The following PAN3 variants were observed in gnomAD, a reference collection of about 807,000 sequenced individuals.
PAN3 encodes PAN2-PAN3 deadenylation complex subunit PAN3.
In PAN3, 19 loss-of-function variants were observed where a neutral mutation model predicts 96.2. The observed-to-expected ratio is 0.20, with a 90% CI of 0.14 to 0.29. PAN3 has a LOEUF of 0.29. Ranked by LOEUF, PAN3 falls within the 10% of genes least tolerant of loss-of-function variation. The pLI is 1.00. For missense variants in PAN3, 882 were observed against 1,108.1 expected (o/e 0.80, Z 2.90); for synonymous variants, 433 against 406.6 (o/e 1.06, Z -0.78).
At chr13:28,270,974 G>A in intron 13 of PAN3, 108 bp downstream of exon 13, 6 of 1,086,222 alleles carry the variant, frequency 5.5e-6, no homozygotes, top group Non-Finnish European at 7.7e-6. Context: ...ATTCCATCCA[G>A]AAGAACTTCT....
intron 6 of PAN3, among the ~76,000 whole-genome samples, chr13:28,252,529 TA>T (rs1884821297): frequency 6.6e-6 from 1 of 152,176 alleles, no homozygotes. Flanking sequence ...TTGAAGTTTT[TA>T]AAATCTCATT....
At position 28,171,713 on chromosome 13, in the gene PAN3, G is replaced by A. The variant is rs1450057683; in HGVS notation, c.431-2559G>A. On this transcript the variant is annotated intron_variant, in intron 1 of 18. Transcript: ENST00000380958. ...CTCCTGGCTCATAAATGTGTTCACC[G>A]GCCCACAAACTCCTTGAACCCCACA... Among the ~76,000 whole-genome samples the A allele has an allele frequency of 2.0e-5, 3 of 152,112 alleles. No homozygotes were observed. The East Asian group carries it at 5.8e-4, about 29-fold the overall frequency.
At chr13:28,247,441 T>G (rs372646818) in intron 6 of PAN3, among the ~76,000 whole-genome samples, 16 of 152,300 alleles carry the variant, frequency 1.1e-4, no homozygotes, top group African/African-American at 3.8e-4. Flanking sequence ...TAGTCTAATA[T>G]AGTCCCATTT....
At chr13:28,245,217 G>A (rs557810778) in intron 6 of PAN3, among the ~76,000 whole-genome samples, 49 of 152,200 alleles carry the variant, frequency 3.2e-4, no homozygotes, top group African/African-American at 1.1e-3. Context: ...GATTATTTTA[G>A]GGTAGAATTG....
intron 9 of PAN3, among the ~76,000 whole-genome samples, chr13:28,266,470 A>AT (rs1886186573): frequency 1.3e-5 from 2 of 152,240 alleles, no homozygotes; most frequent in South Asian, 4.1e-4. Flanking sequence ...GTGCTATAAA[A>AT]GGAAATGTTT....
intron 16 of PAN3, 122 bp from the exon 17 acceptor site, chr13:28,281,193 G>C: frequency 2.9e-6 from 2 of 700,606 alleles, no homozygotes. Context: ...CAAAAGGTGG[G>C]GATGTTAGGA....
intron 1 of PAN3, among the ~76,000 whole-genome samples, chr13:28,152,609 A>G (rs1439204809): frequency 1.3e-5 from 2 of 152,060 alleles, no homozygotes; most frequent in Non-Finnish European, 2.9e-5. Context: ...ACAAAAAAAA[A>G]TGTGTATCTT....
intron 1 of PAN3, among the ~76,000 whole-genome samples, chr13:28,158,147 T>G (rs1261200586): frequency 6.6e-6 from 1 of 152,140 alleles, no homozygotes; most frequent in Non-Finnish European, 1.5e-5. Context: ...CTAGCCATAT[T>G]CAAAAGATTG....
At chr13:28,213,263 A>G (rs1593485053) in intron 5 of PAN3, among the ~76,000 whole-genome samples, 1 of 152,226 alleles carries the variant, frequency 6.6e-6, no homozygotes, top group African/African-American at 2.4e-5. Context: ...GTATGCACCT[A>G]TATGCATAGA....
intron 1 of PAN3, among the ~76,000 whole-genome samples, chr13:28,157,572 A>G (rs139922209): frequency 1.2e-3 from 184 of 152,338 alleles, no homozygotes; most frequent in African/African-American, 4.1e-3. Flanking sequence ...ACAGCATCCA[A>G]GCTGAGTGCC....
At chr13:28,214,597 C>G (rs1593488472) in intron 5 of PAN3, 1 of 415,290 alleles carries the variant, frequency 2.4e-6, no homozygotes, top group Non-Finnish European at 4.6e-6. Flanking sequence ...GCCATCTGAT[C>G]TACAAATGTG....
At chr13:28,181,666 T>A (rs1875807700) in intron 4 of PAN3, among the ~76,000 whole-genome samples, 1 of 152,232 alleles carries the variant, frequency 6.6e-6, no homozygotes, top group Non-Finnish European at 1.5e-5. Flanking sequence ...TCATAATGTG[T>A]CATGGGACCA....
intron 1 of PAN3, among the ~76,000 whole-genome samples, chr13:28,160,390 G>A (rs375150013): frequency 1.3e-5 from 2 of 152,174 alleles, no homozygotes; most frequent in East Asian, 1.9e-4. Context: ...ATTAGAGGGG[G>A]CACATTTTAG....
chr13:28,183,288 G>A (rs1421657356), intron 4 of PAN3, among the ~76,000 whole-genome samples: 1 of 152,132 alleles, frequency 6.6e-6, no homozygotes, highest in Admixed American at 6.6e-5. Context: ...AAGAAATAAT[G>A]TTTTACTTGG....
chr13:28,155,073 C>T (rs1871956946), intron 1 of PAN3, among the ~76,000 whole-genome samples: 1 of 151,572 alleles, frequency 6.6e-6, no homozygotes, highest in Non-Finnish European at 1.5e-5. Flanking sequence ...GCCTTGGCCT[C>T]CCAAAGTGCT....
intron 6 of PAN3, among the ~76,000 whole-genome samples, chr13:28,228,070 T>G (rs1040450894): frequency 6.6e-6 from 1 of 152,170 alleles, no homozygotes; most frequent in African/African-American, 2.4e-5. Flanking sequence ...CAGGGATCAT[T>G]TTTTCTTCAA....
rs181935322 is a variant in PAN3 at position 28,285,325 on chromosome 13, T to A, written c.2385-2659T>A. Among the ~76,000 whole-genome samples, 27 of 152,350 alleles carry A rather than the reference T, an allele frequency of 1.8e-4. No homozygotes were observed. The East Asian group carries it at 4.8e-3, about 27-fold the overall frequency. On this transcript the variant is annotated intron_variant, in intron 17 of 18. Coordinates refer to ENST00000380958, the MANE Select transcript of PAN3 (RefSeq NM_175854.8). ...TTAGCGGGTACTTTCAGTACATAGGTAAGTACTAGTGATGATAGTTCAGAA... is the reference window on the plus strand; with the variant it reads ...TTAGCGGGTACTTTCAGTACATAGGAAAGTACTAGTGATGATAGTTCAGAA...
In PAN3 at chr13:28,265,802, C is replaced by T. The variant is rs1257357320; in HGVS notation, c.1412-913C>T. On this transcript the variant is annotated intron_variant, in intron 9 of 18. Transcript: ENST00000380958. The stretch of plus-strand genomic sequence containing the variant: ...ACTGCGGACTGCAGTGGCGCAATCT[C>T]GGCTCACTGCAAGCTCCGCTTCCCG... Among the ~76,000 whole-genome samples, 2 of 2,376 alleles carry T rather than the reference C, an allele frequency of 8.4e-4. 1 individual carries two copies. The highest frequency in any genetic ancestry group is 0.013 in the African/African-American group (2 of 158). The allele number at this position is 2,376 out of a possible 152,430, so 1.6% of individuals were successfully genotyped here. A position where few individuals can be genotyped will look rare whatever the true frequency, so the allele number is the denominator to read the frequency against.
At chr13:28,259,688 G>T (rs1885529167) in intron 7 of PAN3, among the ~76,000 whole-genome samples, 1 of 151,114 alleles carries the variant, frequency 6.6e-6, no homozygotes, top group Non-Finnish European at 1.5e-5. Context: ...GCCTAGGCTG[G>T]AGTACAATGG....
Sources: allele counts gnomAD v4.1 joint callset (sites outside exome capture counted in the v4.1 genomes callset), GRCh38; gene constraint gnomAD v4.1.1; transcripts MANE v1.5; gene names NCBI Gene and HGNC (gene_info 2026-07-23, HGNC 2026-07-21).